MRPS5: variants seen among roughly 807,000 people sequenced by gnomAD.
The protein encoded by MRPS5 is mitochondrial ribosomal protein S5.
A neutral mutation model predicts 51.9 loss-of-function variants in MRPS5; 27 were observed. The observed-to-expected ratio is 0.52, with a 90% confidence interval of 0.38 to 0.72. The LOEUF is 0.72. MRPS5 is among the 30% of genes least tolerant of loss of function. The pLI is 0.00. For missense variants in MRPS5, 570 were observed against 545.7 expected (o/e 1.04, Z -0.44); for synonymous variants, 196 against 193.2 (o/e 1.01, Z -0.12).
In MRPS5 at chr2:95,104,700, C is replaced by G; in HGVS notation, c.703G>C (p.Glu235Gln). 1 of 1,614,134 alleles carries G rather than the reference C, an allele frequency of 6.2e-7. No homozygotes were observed. ...ACACGGATCGATTTCTTTCTTCCCT[C>G]TTTCGCAGTCATAGTGAAAACGTTT... ...VRNVFTMTAK[E>Q]GRKKSIRVLV... is the part of the protein sequence containing the mutation. The change falls in exon 7 of 12, where the codon GAG becomes CAG. Residue 235 changes from glutamate (E) to glutamine (Q), a missense_variant. Transcript: ENST00000272418.
At chr2:95,107,951 C>G (rs1426791929) in intron 5 of MRPS5, among the ~76,000 whole-genome samples, 3 of 152,142 alleles carry the variant, frequency 2.0e-5, no homozygotes, top group Non-Finnish European at 4.4e-5. Context: ...TGAGAAGGTA[C>G]ATGATAAATA....
Position 95,101,659 on chromosome 2 carries a change from G to GA in MRPS5, c.810+17dup, listed in dbSNP as rs751827681. The GA allele has an allele frequency of 9.5e-6, 15 of 1,581,510 alleles. No individual in the cohort carries two copies. The highest frequency in any genetic ancestry group is 5.8e-5 in the Admixed American group (3 of 51,550). On this transcript the variant is annotated intron_variant, in intron 8 of 11. Coordinates refer to ENST00000272418, the MANE Select transcript of MRPS5 (RefSeq NM_031902.5). Reference sequence around the variant, plus strand: ...TAATCTTTTACTGAGTGTCAACAAAGAAAAAAAATGTACATACTTTCCTGA... The same window carrying GA: ...TAATCTTTTACTGAGTGTCAACAAAGAAAAAAAAATGTACATACTTTCCTGA...
intron 2 of MRPS5, among the ~76,000 whole-genome samples, chr2:95,115,462 G>A (rs767233909): frequency 7.9e-5 from 12 of 152,146 alleles, no homozygotes; most frequent in Non-Finnish European, 1.8e-4. Flanking sequence ...TGTCCATACC[G>A]CAGTTTCAGC....
chr2:95,111,854 T>C (rs963612652), intron 3 of MRPS5, among the ~76,000 whole-genome samples: 2 of 152,256 alleles, frequency 1.3e-5, no homozygotes, highest in Non-Finnish European at 2.9e-5. Context: ...TTCTTAAATA[T>C]TATTCATCAA....
At chr2:95,088,923 C>T (rs570005492) in intron 11 of MRPS5, among the ~76,000 whole-genome samples, 8 of 152,198 alleles carry the variant, frequency 5.3e-5, no homozygotes, top group African/African-American at 1.2e-4. Flanking sequence ...AAAAATTAGC[C>T]GGGCATGGTG....
At position 95,085,917 on chromosome 2, in the gene MRPS5, T is replaced by A. The variant is rs1177124594; in HGVS notation, c.*1440A>T. Among the ~76,000 whole-genome samples the A allele has an allele frequency of 6.8e-6, 1 of 147,308 alleles. No individual in the cohort carries two copies. The highest frequency in any genetic ancestry group is 2.5e-5 in the African/African-American group (1 of 40,458). On this transcript the variant is annotated 3_prime_UTR_variant, in exon 12 of 12. Transcript: ENST00000272418. ...ACAGATGTTGAAACTTTATGACAAT[T>A]TTTTTTTTTTTTTTGGAGACAAGGT...
chr2:95,109,651 T>C (rs1345150503), intron 4 of MRPS5, among the ~76,000 whole-genome samples: 1 of 152,232 alleles, frequency 6.6e-6, no homozygotes, highest in Admixed American at 6.5e-5. Context: ...TATCACTAAT[T>C]ATAACCTATT....
intron 3 of MRPS5, among the ~76,000 whole-genome samples, chr2:95,114,145 G>C (rs1411677699): frequency 7.1e-6 from 1 of 141,186 alleles, no homozygotes. Context: ...AAAAAAAAAA[G>C]GCAGCAAACT....
chr2:95,119,875 C>A (rs1259506323), intron 1 of MRPS5, among the ~76,000 whole-genome samples: 1 of 152,096 alleles, frequency 6.6e-6, no homozygotes, highest in Non-Finnish European at 1.5e-5. Context: ...CCAGCCTCGG[C>A]AACATAGTGA....
chr2:95,113,557 C>T (rs1676191372), intron 3 of MRPS5, among the ~76,000 whole-genome samples: 1 of 152,150 alleles, frequency 6.6e-6, no homozygotes. Context: ...ACAAAGTCAA[C>T]TCTTAGAAAA....
chr2:95,104,474 G>A (rs1675890899), intron 7 of MRPS5, 166 bp downstream of exon 7: 2 of 699,900 alleles, frequency 2.9e-6, no homozygotes, highest in Admixed American at 4.3e-5. Flanking sequence ...TCTCTCTAAG[G>A]GAAGTCATGG....
At chr2:95,089,382 G>A (rs1456303111) in intron 11 of MRPS5, among the ~76,000 whole-genome samples, 4 of 152,164 alleles carry the variant, frequency 2.6e-5, no homozygotes, top group Admixed American at 6.5e-5. Context: ...TCAGCTAACA[G>A]AGTTCAGCAA....
rs374342334 is a variant in MRPS5, at chr2:95,085,915, A to ATT, written c.*1440_*1441dup. Among the ~76,000 whole-genome samples, 26 of 143,506 alleles carry ATT rather than the reference A, an allele frequency of 1.8e-4. No homozygotes were observed. The highest frequency in any genetic ancestry group is 2.5e-4 in the Non-Finnish European group (16 of 65,172). 94.1% of individuals were successfully genotyped at this position (143,506 alleles called of 152,430 possible). A position where few individuals can be genotyped will look rare whatever the true frequency, so the allele number is the denominator to read the frequency against. On this transcript the variant is annotated 3_prime_UTR_variant, in exon 12 of 12. Transcript: ENST00000272418. ...ACACAGATGTTGAAACTTTATGACAATTTTTTTTTTTTTTTTGGAGACAAG... is the reference window on the plus strand; with the variant it reads ...ACACAGATGTTGAAACTTTATGACAATTTTTTTTTTTTTTTTTTGGAGACAAG...
chr2:95,096,405 A>G (rs1675628914), intron 10 of MRPS5, among the ~76,000 whole-genome samples: 1 of 152,198 alleles, frequency 6.6e-6, no homozygotes, highest in African/African-American at 2.4e-5. Context: ...TTTTAGACCA[A>G]TATCCCTGAT....
intron 11 of MRPS5, among the ~76,000 whole-genome samples, chr2:95,088,487 G>A (rs139419317): frequency 7.7e-4 from 118 of 152,270 alleles, no homozygotes; most frequent in Non-Finnish European, 1.3e-3. Flanking sequence ...TGTCAATCCC[G>A]TGATCCCAGG....
upstream of MRPS5, chr2:95,121,827 G>A: frequency 5.3e-6 from 8 of 1,515,606 alleles, no homozygotes; most frequent in Non-Finnish European, 5.3e-6. Flanking sequence ...CTCCGCCCAG[G>A]GCAGCCTTGC....
chr2:95,092,176 G>A (rs1379987754), intron 10 of MRPS5: 2 of 152,234 alleles, frequency 1.3e-5, no homozygotes, highest in African/African-American at 4.8e-5. Flanking sequence ...CGATGGTAAT[G>A]ATTTGACTAC....
At chr2:95,116,916 G>A (rs971617622) in intron 2 of MRPS5, among the ~76,000 whole-genome samples, 3 of 152,122 alleles carry the variant, frequency 2.0e-5, no homozygotes, top group African/African-American at 7.2e-5. Flanking sequence ...CGATGAGGGC[G>A]GATCACTTGA....
chr2:95,104,385 A>C lies in MRPS5; in HGVS notation c.763+255T>G. The C allele has an allele frequency of 6.0e-6, 3 of 496,308 alleles. No homozygotes were observed. In the South Asian group the frequency reaches 6.2e-5, roughly 10 times the overall value. The allele number at this position is 496,308 out of a possible 1,614,324, so 30.7% of individuals were successfully genotyped here. A position where few individuals can be genotyped will look rare whatever the true frequency, so the allele number is the denominator to read the frequency against. Reference sequence around the variant, plus strand: ...CTAATTTTCCACTATTATACATAATAAAATAATGTCTTCAGCCTTTTATAA... The same window carrying C: ...CTAATTTTCCACTATTATACATAATCAAATAATGTCTTCAGCCTTTTATAA... On this transcript the variant is annotated intron_variant, in intron 7 of 11. Transcript: ENST00000272418.
Sources: gnomAD v4.1 joint callset for allele counts (sites outside exome capture counted in the v4.1 genomes callset) on GRCh38, gnomAD v4.1.1 for gene constraint, MANE v1.5 for transcripts, NCBI Gene and HGNC (gene_info 2026-07-23, HGNC 2026-07-21) for gene names.